PHF2: variants seen among roughly 807,000 people sequenced by gnomAD.
PHF2 encodes lysine-specific demethylase PHF2.
PHF2 carries 27 observed loss-of-function variants against 120.5 expected under a neutral mutation model. The ratio of observed to expected loss-of-function variants is 0.22; its 90% CI spans 0.17 to 0.31. The LOEUF (loss-of-function observed/expected upper bound fraction) is 0.31. Ranked by LOEUF, PHF2 falls within the 10% of genes least tolerant of loss-of-function variation. PHF2 has a pLI of 1.00. For synonymous variants in PHF2, 568 were observed against 592.5 expected, an observed-to-expected ratio of 0.96 and a Z score of 0.60; for missense variants, 1,024 against 1,434.8, an observed-to-expected ratio of 0.71 and a Z score of 4.63.
At chr9:93,649,323 C>T (rs151247010) in intron 5 of PHF2, 111 bp downstream of exon 5, 8,362 of 703,214 alleles carry the variant, frequency 0.012, 87 homozygotes, top group Non-Finnish European at 0.011. Context: ...GTCTGGAATA[C>T]TGCACATGGC....
chr9:93,604,798 T>C (rs571065150), intron 1 of PHF2, among the ~76,000 whole-genome samples: 19 of 152,106 alleles, frequency 1.2e-4, no homozygotes, highest in African/African-American at 4.3e-4. Flanking sequence ...CCCATTGTTA[T>C]TTTAAGTAAT....
intron 17 of PHF2, among the ~76,000 whole-genome samples, chr9:93,671,608 A>G (rs1276839759): frequency 7.0e-6 from 1 of 141,938 alleles, no homozygotes; most frequent in Non-Finnish European, 1.5e-5. Context: ...GGTCAGGTGT[A>G]GATGCAGGTG....
chr9:93,636,403 C>A lies in PHF2; in HGVS notation c.185-8C>A. On this transcript the variant is annotated splice_region_variant and splice_polypyrimidine_tract_variant and intron_variant, in intron 2 of 21. Transcript: ENST00000359246. Reference sequence around the variant, plus strand: ...TGTGACCGACCTTGCTTCCGGTCTCCTCCACAGTAAAGAAGAAGCGGACCT... The same window carrying A: ...TGTGACCGACCTTGCTTCCGGTCTCATCCACAGTAAAGAAGAAGCGGACCT... 6.3e-7 allele frequency: 1 copy of A among 1,597,824 alleles called. No homozygotes were observed. The highest frequency in any genetic ancestry group is 2.3e-5 in the East Asian group (1 of 44,262).
At chr9:93,578,584 A>T (rs547541656) in intron 1 of PHF2, among the ~76,000 whole-genome samples, 2 of 152,102 alleles carry the variant, frequency 1.3e-5, no homozygotes, top group East Asian at 3.9e-4. Flanking sequence ...TGCTGCCCAC[A>T]CTCGGGGCCC....
rs367978239 is a variant in PHF2, at chr9:93,654,447, C to T, written c.824C>T (p.Ser275Leu). 7.4e-6 allele frequency: 12 copies of T among 1,613,712 alleles called. No individual in the cohort carries two copies. The highest frequency in any genetic ancestry group is 6.7e-5 in the Admixed American group (4 of 60,006). The change falls in exon 7 of 22, where the codon TCG (serine) becomes TTG (leucine). Residue 275 changes from serine (S) to leucine (L), a missense_variant. Transcript: ENST00000359246. ...EKTFYLIRPA[S>L]ANISLYERWR... Reference sequence around the variant, plus strand: ...ACCTTCTATCTCATCAGGCCGGCCTCGGCCAACATCTCCCTGTATGAGCGC... The same window carrying T: ...ACCTTCTATCTCATCAGGCCGGCCTTGGCCAACATCTCCCTGTATGAGCGC...
At chr9:93,662,050 G>T (rs1826578198) in intron 12 of PHF2, among the ~76,000 whole-genome samples, 1 of 151,792 alleles carries the variant, frequency 6.6e-6, no homozygotes, top group African/African-American at 2.4e-5. Context: ...ATGGTGAGTG[G>T]ATGGATGAGT....
At chr9:93,652,205 C>T (rs2117923757) in intron 5 of PHF2, among the ~76,000 whole-genome samples, 1 of 151,816 alleles carries the variant, frequency 6.6e-6, no homozygotes, top group East Asian at 1.9e-4. Flanking sequence ...ATGACAGACC[C>T]TGTCTTCCTG....
At chr9:93,664,577 G>C (rs1232168050) in intron 14 of PHF2, among the ~76,000 whole-genome samples, 2 of 152,218 alleles carry the variant, frequency 1.3e-5, no homozygotes, top group Admixed American at 6.5e-5. Flanking sequence ...CTGGGTGGTG[G>C]AGAAAGGGAG....
chr9:93,638,364 G>C (rs1409470493), intron 3 of PHF2, among the ~76,000 whole-genome samples: 2 of 152,202 alleles, frequency 1.3e-5, no homozygotes, highest in Non-Finnish European at 1.5e-5. Context: ...CCAAAGTCAT[G>C]AAGATTTATT....
At chr9:93,580,944 G>A (rs1333767453) in intron 1 of PHF2, among the ~76,000 whole-genome samples, 1 of 152,176 alleles carries the variant, frequency 6.6e-6, no homozygotes, top group South Asian at 2.1e-4. Context: ...TTGGGAGAAG[G>A]TTAGGGGCAG....
Position 93,596,301 on chromosome 9 carries a change from G to A in PHF2, c.98+19430G>A, listed in dbSNP as rs141490138. Among the ~76,000 whole-genome samples the A allele has an allele frequency of 2.3e-3, 346 of 152,328 alleles. 2 individuals are homozygous for A. The highest frequency in any genetic ancestry group is 8.0e-3 in the African/African-American group (331 of 41,568). On this transcript the variant is annotated intron_variant, in intron 1 of 21. Coordinates refer to ENST00000359246, the MANE Select transcript of PHF2 (RefSeq NM_005392.4). ...AGCTGGAGGAGTGGAGCTGACTGAA[G>A]CTTCATTGGGGCCCCTGCATTTTTC...
intron 17 of PHF2, chr9:93,672,337 TGTG>T (rs1826815435): frequency 1.1e-6 from 1 of 935,468 alleles, no homozygotes; most frequent in Non-Finnish European, 1.3e-6. Flanking sequence ...TAGATGCAGA[TGTG>T]GGTGTGGGAG....
At chr9:93,628,346 G>A (rs550944835) in intron 1 of PHF2, among the ~76,000 whole-genome samples, 4 of 152,168 alleles carry the variant, frequency 2.6e-5, no homozygotes, top group African/African-American at 9.7e-5. Context: ...ATTCACTAGT[G>A]ATGGTTTCTG....
chr9:93,669,112 G>A (rs780101821), intron 17 of PHF2, among the ~76,000 whole-genome samples: 8 of 152,228 alleles, frequency 5.3e-5, no homozygotes, highest in Admixed American at 2.0e-4. Context: ...GCAACCCTGC[G>A]GGACCTGGGC....
intron 1 of PHF2, among the ~76,000 whole-genome samples, chr9:93,596,315 C>T (rs116021601): frequency 0.014 from 2,136 of 152,140 alleles, 62 homozygotes; most frequent in African/African-American, 0.048. Context: ...CATTGGGGCC[C>T]CTGCATTTTT....
At chr9:93,591,203 C>T (rs10122014) in intron 1 of PHF2, among the ~76,000 whole-genome samples, 21,672 of 152,260 alleles carry the variant, frequency 0.14, 3,407 homozygotes, top group African/African-American at 0.38. Context: ...TGGCCCTGAC[C>T]GTGTCTGTCA....
intron 1 of PHF2, among the ~76,000 whole-genome samples, chr9:93,586,542 G>A (rs570944511): frequency 4.6e-5 from 7 of 152,356 alleles, no homozygotes; most frequent in African/African-American, 7.2e-5. Context: ...GCCAGCCAAC[G>A]TACAGGCCGG....
intron 1 of PHF2, among the ~76,000 whole-genome samples, chr9:93,585,679 C>T (rs1372445442): frequency 6.6e-6 from 1 of 152,250 alleles, no homozygotes; most frequent in Non-Finnish European, 1.5e-5. Context: ...ACCCCTGGGG[C>T]TGCCAGACTC....
chr9:93,578,700 A>G (rs1017593499), intron 1 of PHF2, among the ~76,000 whole-genome samples: 2 of 152,180 alleles, frequency 1.3e-5, no homozygotes, highest in African/African-American at 4.8e-5. Context: ...GCCAAGGGAA[A>G]AACTCCAGGA....
Sources: gnomAD v4.1 joint callset for allele counts (sites outside exome capture counted in the v4.1 genomes callset) on GRCh38, gnomAD v4.1.1 for gene constraint, MANE v1.5 for transcripts, NCBI Gene and HGNC (gene_info 2026-07-23, HGNC 2026-07-21) for gene names.